The following CSMD1 variants were observed in gnomAD, a reference collection of about 807,000 sequenced individuals.
CSMD1 encodes CUB and sushi domain-containing protein 1.
A neutral mutation model predicts 417.5 loss-of-function variants in CSMD1; 213 were observed. The ratio of observed to expected loss-of-function variants is 0.51; its 90% CI spans 0.46 to 0.57. CSMD1 has a LOEUF of 0.57. Ranked by LOEUF, CSMD1 falls within the 20% of genes least tolerant of loss-of-function variation. CSMD1 has a pLI of 0.00. For synonymous variants in CSMD1, 2,862 were observed against 1,736.8 expected, an observed-to-expected ratio of 1.65 and a Z score of -16.11; for missense variants, 6,923 against 4,529.7, an observed-to-expected ratio of 1.53 and a Z score of -15.17.
chr8:4,700,057 T>C (rs1425624520), intron 1 of CSMD1, among the ~76,000 whole-genome samples: 1 of 152,208 alleles, frequency 6.6e-6, no homozygotes, highest in Non-Finnish European at 1.5e-5. Flanking sequence ...GAGAAACCAC[T>C]GAGTCCTTTT....
At chr8:4,920,246 C>A (rs1175642133) in intron 1 of CSMD1, among the ~76,000 whole-genome samples, 1 of 152,056 alleles carries the variant, frequency 6.6e-6, no homozygotes, top group Non-Finnish European at 1.5e-5. Context: ...CAGACTTATT[C>A]TAGAAAGTAT....
chr8:4,900,197 T>G (rs531090321), intron 1 of CSMD1, among the ~76,000 whole-genome samples: 1 of 152,286 alleles, frequency 6.6e-6, no homozygotes, highest in South Asian at 2.1e-4. Context: ...GACAGGGGTA[T>G]GAAGACACGG....
intron 2 of CSMD1, among the ~76,000 whole-genome samples, chr8:4,596,164 G>A (rs183414506): frequency 1.3e-5 from 2 of 152,164 alleles, no homozygotes; most frequent in African/African-American, 4.8e-5. Context: ...ACATAAGTCT[G>A]GAATAATATA....
At chr8:3,535,990 C>A (rs1798180798) in intron 10 of CSMD1, among the ~76,000 whole-genome samples, 2 of 152,168 alleles carry the variant, frequency 1.3e-5, no homozygotes, top group Non-Finnish European at 2.9e-5. Context: ...GGGAGGGACT[C>A]TCCCAGCAAC....
intron 41 of CSMD1, among the ~76,000 whole-genome samples, chr8:3,140,326 G>A: frequency 7.3e-6 from 1 of 137,104 alleles, no homozygotes; most frequent in East Asian, 2.1e-4. Context: ...CCTCTCTGAT[G>A]TTCTCTCTCT....
chr8:3,313,190 A>G (rs1425860570), intron 23 of CSMD1, among the ~76,000 whole-genome samples: 1 of 152,198 alleles, frequency 6.6e-6, no homozygotes, highest in Non-Finnish European at 1.5e-5. Context: ...AGGCAATACC[A>G]TTCAGGACAT....
At chr8:4,105,337 A>ATT (rs35419182) in intron 3 of CSMD1, among the ~76,000 whole-genome samples, 15,778 of 151,214 alleles carry the variant, frequency 0.1, 938 homozygotes, top group South Asian at 0.14. Flanking sequence ...ACACTTCTGA[A>ATT]TTTTTTTTTT....
chr8:4,449,442 A>C (rs1381461363), intron 2 of CSMD1, among the ~76,000 whole-genome samples: 1 of 152,110 alleles, frequency 6.6e-6, no homozygotes, highest in East Asian at 1.9e-4. Flanking sequence ...ATTTTTCCCC[A>C]ATTTTTGTTG....
intron 25 of CSMD1, among the ~76,000 whole-genome samples, chr8:3,292,450 G>T (rs543240819): frequency 1.3e-5 from 2 of 152,202 alleles, no homozygotes; most frequent in South Asian, 2.1e-4. Flanking sequence ...CATTATTATT[G>T]TGTGGGTGTC....
chr8:4,743,678 T>A (rs904246586), intron 1 of CSMD1, among the ~76,000 whole-genome samples: 1 of 152,190 alleles, frequency 6.6e-6, no homozygotes, highest in African/African-American at 2.4e-5. Context: ...TTAATTTGAG[T>A]CAAAGCTTTC....
At chr8:4,660,424 A>G (rs1585408439) in intron 1 of CSMD1, among the ~76,000 whole-genome samples, 1 of 152,222 alleles carries the variant, frequency 6.6e-6, no homozygotes, top group East Asian at 1.9e-4. Flanking sequence ...AGAAAAGTAA[A>G]CATAGGAAAG....
intron 12 of CSMD1, among the ~76,000 whole-genome samples, chr8:3,457,717 A>T (rs113864801): frequency 1.3e-5 from 2 of 152,230 alleles, no homozygotes; most frequent in South Asian, 2.1e-4. Context: ...CTCGTAAAGG[A>T]AACAGAAATA....
At chr8:4,541,770 C>T (rs1272105725) in intron 2 of CSMD1, among the ~76,000 whole-genome samples, 1 of 151,962 alleles carries the variant, frequency 6.6e-6, no homozygotes, top group Non-Finnish European at 1.5e-5. Context: ...AAAAAAGAAT[C>T]ACTCTTATAT....
chr8:3,984,823 G>C (rs1394972463), intron 5 of CSMD1, among the ~76,000 whole-genome samples: 2 of 148,582 alleles, frequency 1.3e-5, no homozygotes, highest in African/African-American at 2.5e-5. Context: ...AAACTAGAGG[G>C]AATGGAAGAG....
chr8:3,517,167 T>C (rs989761769), intron 10 of CSMD1, among the ~76,000 whole-genome samples: 1 of 152,174 alleles, frequency 6.6e-6, no homozygotes, highest in African/African-American at 2.4e-5. Context: ...TCATCCCTTC[T>C]CATGCCTGTC....
rs138461256 is a variant in CSMD1 at position 4,384,964 on chromosome 8, A to T, written c.415+34989T>A. Among the ~76,000 whole-genome samples, 1,414 of 152,300 alleles carry T rather than the reference A, an allele frequency of 9.3e-3. 18 individuals are homozygous for T. The highest frequency in any genetic ancestry group is 0.041 in the Middle Eastern group (12 of 294). On this transcript the variant is annotated intron_variant, in intron 3 of 69. Transcript: ENST00000635120. ...CATCAGGAAATTTCCTCTGTCACCC[A>T]GGATGGAGTGCAATGGCGCAATCTC... is the stretch of plus-strand genomic sequence containing the variant.
chr8:4,286,305 T>C (rs931347398), intron 3 of CSMD1, among the ~76,000 whole-genome samples: 2 of 152,178 alleles, frequency 1.3e-5, no homozygotes, highest in African/African-American at 2.4e-5. Flanking sequence ...TCAGGGGCCG[T>C]TGTTCTTGTC....
intron 3 of CSMD1, among the ~76,000 whole-genome samples, chr8:4,158,898 A>G (rs1796988045): frequency 6.6e-6 from 1 of 152,160 alleles, no homozygotes; most frequent in Non-Finnish European, 1.5e-5. Flanking sequence ...CCAGCTGAAA[A>G]GAAAGATTAT....
intron 3 of CSMD1, among the ~76,000 whole-genome samples, chr8:4,276,226 G>C (rs775196776): frequency 6.6e-6 from 1 of 152,098 alleles, no homozygotes; most frequent in African/African-American, 2.4e-5. Context: ...TAACGCAAAT[G>C]CCCATCAACG....
Sources: gnomAD v4.1 joint callset for allele counts (sites outside exome capture counted in the v4.1 genomes callset) on GRCh38, gnomAD v4.1.1 for gene constraint, MANE v1.5 for transcripts, NCBI Gene and HGNC (gene_info 2026-07-23, HGNC 2026-07-21) for gene names.